The following AHI1 variants were observed in gnomAD, a reference collection of about 807,000 sequenced individuals.
The protein encoded by AHI1 is jouberin.
AHI1 carries 123 observed loss-of-function variants against 149.3 expected under a neutral mutation model. That is an observed-to-expected ratio of 0.82 (90% CI 0.71 to 0.96). AHI1 has a LOEUF of 0.96. Ranked by LOEUF, AHI1 falls within the 40% of genes least tolerant of loss-of-function variation. AHI1 has a pLI of 0.00. For synonymous variants in AHI1, 475 were observed against 459.8 expected (o/e 1.03, Z -0.42); for missense variants, 1,439 against 1,422.7 (o/e 1.01, Z -0.18).
intron 20 of AHI1, among the ~76,000 whole-genome samples, chr6:135,419,282 A>C (rs574635345): frequency 4.0e-5 from 6 of 150,344 alleles, no homozygotes; most frequent in Non-Finnish European, 7.4e-5. Flanking sequence ...AATTCCCTGC[A>C]GTACATGCTA....
chr6:135,293,406 GAAAAAAAA>G (rs71547029), intron 27 of AHI1, among the ~76,000 whole-genome samples: 6 of 65,632 alleles, frequency 9.1e-5, no homozygotes, highest in South Asian at 4.5e-4. Flanking sequence ...AAAAAAAAAA[GAAAAAAAA>G]AAAAAAAAAA....
intron 24 of AHI1, among the ~76,000 whole-genome samples, chr6:135,352,464 C>T (rs936267414): frequency 2.6e-5 from 4 of 152,082 alleles, no homozygotes; most frequent in African/African-American, 9.7e-5. Flanking sequence ...CTTTCATGAT[C>T]TGGTTTAGCA....
chr6:135,315,564 T>C (rs758058469), intron 26 of AHI1, among the ~76,000 whole-genome samples: 1 of 152,158 alleles, frequency 6.6e-6, no homozygotes, highest in Non-Finnish European at 1.5e-5. Flanking sequence ...ACTCCAATTA[T>C]ATATTAAACC....
At chr6:135,289,489 C>T (rs1583511640) in intron 28 of AHI1, among the ~76,000 whole-genome samples, 1 of 151,944 alleles carries the variant, frequency 6.6e-6, no homozygotes, top group Non-Finnish European at 1.5e-5. Flanking sequence ...AGCAAGACGT[C>T]TCAAAACAAC....
At chr6:135,292,109 TACACACACACAC>T (rs10646107) in intron 27 of AHI1, among the ~76,000 whole-genome samples, 3 of 148,232 alleles carry the variant, frequency 2.0e-5, no homozygotes, top group Non-Finnish European at 4.5e-5. Context: ...GGCAGCTAAT[TACACACACACAC>T]ACACACACAC....
chr6:135,326,402 G>T (rs1035750175), intron 24 of AHI1, among the ~76,000 whole-genome samples: 4 of 152,108 alleles, frequency 2.6e-5, no homozygotes, highest in Non-Finnish European at 4.4e-5. Context: ...CTCCAGAATT[G>T]TGAGAAAATA....
At chr6:135,358,018 T>C (rs2128436555) in intron 24 of AHI1, 114 bp downstream of exon 24, 1 of 823,510 alleles carries the variant, frequency 1.2e-6, no homozygotes. Flanking sequence ...CTTGCAGGGA[T>C]ATAACTTTTG....
rs545356822 is a variant in AHI1 at position 135,303,554 on chromosome 6, CT to C, written c.3427-2997del. Among the ~76,000 whole-genome samples the C allele has an allele frequency of 5.1e-3, 703 of 137,144 alleles. 11 individuals carry two copies. Among genetic ancestry groups the C allele is most frequent in the Admixed American group, 0.028 (386 of 13,792 alleles). 90.0% of individuals were successfully genotyped at this position (137,144 alleles called of 152,430 possible). Reference sequence around the variant, plus strand: ...TAAACCACTTAGCCTCTCTTGGGGTCTTTTTTTTTTTTCACTTGAAAGTAGG... The same window carrying C: ...TAAACCACTTAGCCTCTCTTGGGGTCTTTTTTTTTTTCACTTGAAAGTAGG... On this transcript the variant is annotated intron_variant, in intron 26 of 28. Transcript: ENST00000265602.
At chr6:135,328,833 G>C (rs1326807459) in intron 24 of AHI1, among the ~76,000 whole-genome samples, 1 of 152,124 alleles carries the variant, frequency 6.6e-6, no homozygotes, top group Non-Finnish European at 1.5e-5. Flanking sequence ...AAAAGTTCTT[G>C]AAGGAAATTA....
chr6:135,411,593 AT>A (rs1341725168), intron 20 of AHI1, 49 bp from the exon 21 acceptor site: 2 of 1,444,646 alleles, frequency 1.4e-6, no homozygotes, highest in Admixed American at 4.7e-5. Context: ...CAAAAGCATA[AT>A]CAAGCCCTAA....
chr6:135,376,781 C>G (rs889058579), intron 23 of AHI1, among the ~76,000 whole-genome samples: 3 of 147,826 alleles, frequency 2.0e-5, no homozygotes, highest in East Asian at 4.1e-4. Flanking sequence ...ACTCGGGAGG[C>G]TGAGGCAGGA....
chr6:135,377,034 G>T (rs2128463278), intron 23 of AHI1, among the ~76,000 whole-genome samples: 1 of 151,220 alleles, frequency 6.6e-6, no homozygotes, highest in South Asian at 2.1e-4. Flanking sequence ...ACTGGATGCT[G>T]AATAAAATAA....
At chr6:135,361,687 ACACACACG>A (rs1344971376) in intron 23 of AHI1, among the ~76,000 whole-genome samples, 4 of 138,180 alleles carry the variant, frequency 2.9e-5, no homozygotes, top group Non-Finnish European at 6.2e-5. Context: ...ACACACACAC[ACACACACG>A]TGTGTATATT....
chr6:135,305,354 A>T (rs533224804), intron 26 of AHI1, among the ~76,000 whole-genome samples: 1 of 152,336 alleles, frequency 6.6e-6, no homozygotes, highest in South Asian at 2.1e-4. Flanking sequence ...TTTTTCTGGA[A>T]ATATACTTGG....
chr6:135,300,716 A>G (rs1783763009), intron 26 of AHI1, 158 bp from the exon 27 acceptor site: 2 of 1,324,376 alleles, frequency 1.5e-6, no homozygotes, highest in Non-Finnish European at 1.9e-6. Flanking sequence ...TATATTGTCT[A>G]TCAGGACAAT....
At chr6:135,391,423 T>G (rs1778467202) in intron 23 of AHI1, among the ~76,000 whole-genome samples, 2 of 152,180 alleles carry the variant, frequency 1.3e-5, no homozygotes, top group South Asian at 4.1e-4. Flanking sequence ...CCTAGATCCC[T>G]ACGTGTGCCG....
chr6:135,462,983 T>C, intron 8 of AHI1, 142 bp downstream of exon 8: 1 of 614,764 alleles, frequency 1.6e-6, no homozygotes. Flanking sequence ...TGCTTTAATC[T>C]AGATGAATTC....
chr6:135,479,335 T>C (rs572668914), intron 5 of AHI1, among the ~76,000 whole-genome samples: 2 of 152,312 alleles, frequency 1.3e-5, no homozygotes, highest in Admixed American at 6.5e-5. Context: ...GCAGGGGCTG[T>C]ACCCTGCAGA....
chr6:135,456,406 T>C (rs1380746187), intron 9 of AHI1, among the ~76,000 whole-genome samples: 1 of 152,084 alleles, frequency 6.6e-6, no homozygotes, highest in East Asian at 1.9e-4. Flanking sequence ...TAGCTGGGCA[T>C]GGTGGCACAT....
Sources: allele counts gnomAD v4.1 joint callset (sites outside exome capture counted in the v4.1 genomes callset), GRCh38; gene constraint gnomAD v4.1.1; transcripts MANE v1.5; gene names NCBI Gene and HGNC (gene_info 2026-07-23, HGNC 2026-07-21).